Variants in PRELID2 observed in about 807,000 individuals in gnomAD.
PRELID2 encodes PRELI domain-containing protein 2.
In PRELID2, 25 loss-of-function variants were observed where a neutral mutation model predicts 28.4. The ratio of observed to expected loss-of-function variants is 0.88; its 90% confidence interval spans 0.64 to 1.23. The LOEUF (loss-of-function observed/expected upper bound fraction) is 1.23, where lower values mean the gene tolerates loss of function less well. PRELID2 is among the 50% of genes most tolerant of loss of function. PRELID2 has a pLI of 0.00. For missense variants in PRELID2, 201 were observed against 214.4 expected (o/e 0.94, Z 0.39); for synonymous variants, 76 against 71.6 (o/e 1.06, Z -0.31).
At chr5:145,591,459 AG>A (rs1753225683) in intron 1 of PRELID2, among the ~76,000 whole-genome samples, 1 of 152,192 alleles carries the variant, frequency 6.6e-6, no homozygotes, top group Admixed American at 6.5e-5. Context: ...ATAGTACAAA[AG>A]GAAGTGATAA....
At chr5:145,400,438 A>G in the PRELID2 span, among the ~76,000 whole-genome samples, 25 of 152,154 alleles carry the variant, frequency 1.6e-4, no homozygotes, top group African/African-American at 5.8e-4. Flanking sequence ...GCAGAAACAT[A>G]TATCTTGTGT....
chr5:145,602,548 C>G (rs1385276770), intron 1 of PRELID2, among the ~76,000 whole-genome samples: 2 of 151,818 alleles, frequency 1.3e-5, no homozygotes, highest in Non-Finnish European at 2.9e-5. Context: ...CAGATGCAGA[C>G]CAGCTATGTT....
the PRELID2 span, among the ~76,000 whole-genome samples, chr5:145,361,238 G>A: frequency 6.6e-6 from 1 of 152,154 alleles, no homozygotes; most frequent in Non-Finnish European, 1.5e-5. Context: ...TTTCTGAGAA[G>A]GAGGCATTAT....
At chr5:145,699,842 C>T (rs774224500) in intron 1 of PRELID2, among the ~76,000 whole-genome samples, 40 of 152,172 alleles carry the variant, frequency 2.6e-4, no homozygotes, top group Non-Finnish European at 5.1e-4. Context: ...CCTTTGTATT[C>T]TTGGGGATTC....
At chr5:145,479,248 C>G (rs1230083320) in intron 1 of PRELID2, among the ~76,000 whole-genome samples, 1 of 152,204 alleles carries the variant, frequency 6.6e-6, no homozygotes, top group Non-Finnish European at 1.5e-5. Flanking sequence ...CTGCTTCTGT[C>G]TCTTTGCTGA....
the PRELID2 span, among the ~76,000 whole-genome samples, chr5:145,246,375 C>G: frequency 6.6e-6 from 1 of 152,124 alleles, no homozygotes; most frequent in East Asian, 1.9e-4. Flanking sequence ...ATGGCCTTTG[C>G]TTCAAGGCTC....
the PRELID2 span, among the ~76,000 whole-genome samples, chr5:145,317,201 A>G: frequency 1.3e-5 from 2 of 152,224 alleles, no homozygotes; most frequent in Admixed American, 6.5e-5. Flanking sequence ...GGGTCCCACA[A>G]TGGTCCTTTG....
chr5:145,541,491 C>T (rs1752744707), intron 1 of PRELID2, among the ~76,000 whole-genome samples: 1 of 152,054 alleles, frequency 6.6e-6, no homozygotes, highest in East Asian at 1.9e-4. Flanking sequence ...ACAGTTCATA[C>T]ACTGAACCAT....
the PRELID2 span, among the ~76,000 whole-genome samples, chr5:145,400,268 T>A: frequency 1.3e-5 from 2 of 152,052 alleles, no homozygotes; most frequent in African/African-American, 4.8e-5. Context: ...CCTCTTAAAA[T>A]TTTTCTCCCA....
chr5:145,472,359 A>T (rs774891848), intron 2 of PRELID2, among the ~76,000 whole-genome samples: 3 of 152,160 alleles, frequency 2.0e-5, no homozygotes, highest in Non-Finnish European at 4.4e-5. Context: ...AAGAATGATA[A>T]GCACTATTAT....
intron 1 of PRELID2, among the ~76,000 whole-genome samples, chr5:145,581,772 C>T (rs1753109788): frequency 6.6e-6 from 1 of 152,030 alleles, no homozygotes; most frequent in African/African-American, 2.4e-5. Context: ...AACCTGAGTG[C>T]ATCACCTGTG....
At chr5:145,376,095 T>C in the PRELID2 span, among the ~76,000 whole-genome samples, 1 of 152,232 alleles carries the variant, frequency 6.6e-6, no homozygotes, top group African/African-American at 2.4e-5. Flanking sequence ...CTAGGAGTTT[T>C]TAACATGCAG....
intron 1 of PRELID2, among the ~76,000 whole-genome samples, chr5:145,673,448 C>G (rs1237016027): frequency 6.6e-6 from 1 of 151,676 alleles, no homozygotes; most frequent in Non-Finnish European, 1.5e-5. Flanking sequence ...GCATCCAGAT[C>G]TTCCTAAATG....
Position 145,547,680 on chromosome 5 carries a change from A to C in PRELID2, n.71-74365T>G, listed in dbSNP as rs1204811126. Reference sequence around the variant, plus strand: ...CAGAAGAAAATGAAACCATATAACAAGGTGGATATAATTATATGCTCAAGT... The same window carrying C: ...CAGAAGAAAATGAAACCATATAACACGGTGGATATAATTATATGCTCAAGT... On this transcript the variant is annotated intron_variant and non_coding_transcript_variant, in intron 1 of 2. Transcript: ENST00000510259. Among the ~76,000 whole-genome samples the C allele has an allele frequency of 2.0e-5, 3 of 152,198 alleles. No homozygotes were observed. The East Asian group carries it at 5.8e-4, about 29-fold the overall frequency.
the PRELID2 span, among the ~76,000 whole-genome samples, chr5:145,395,348 T>A: frequency 2.0e-5 from 3 of 152,216 alleles, no homozygotes; most frequent in African/African-American, 7.2e-5. Flanking sequence ...CTAAAAAGAC[T>A]GGGAACTGTC....
At chr5:145,267,533 CACA>C in the PRELID2 span, among the ~76,000 whole-genome samples, 1 of 151,968 alleles carries the variant, frequency 6.6e-6, no homozygotes, top group Non-Finnish European at 1.5e-5. Context: ...TGTGTATAAG[CACA>C]ACATTTTCTT....
At position 145,788,410 on chromosome 5, in the gene PRELID2, A is replaced by C. The variant is rs145333777; in HGVS notation, c.474+8032T>G. Among the ~76,000 whole-genome samples the C allele has an allele frequency of 6.4e-4, 98 of 152,326 alleles. 1 individual carries two copies. The East Asian group carries it at 0.017, about 26-fold the overall frequency. On this transcript the variant is annotated intron_variant, in intron 5 of 6. Transcript: ENST00000683046. ...TCAAAAGTGTCCACCAGCACATGAA[A>C]TCTAGGCTGAGAGAGACTATGGCAC...
intron 1 of PRELID2, among the ~76,000 whole-genome samples, chr5:145,716,120 G>A (rs1291621217): frequency 1.3e-5 from 2 of 152,046 alleles, no homozygotes; most frequent in Non-Finnish European, 2.9e-5. Flanking sequence ...CCAAGACAAC[G>A]ATTCTTCTTC....
Position 145,823,101 on chromosome 5 carries a change from C to A in PRELID2, c.109G>T (p.Val37Leu). 1 of 1,535,866 alleles carries A rather than the reference C, an allele frequency of 6.5e-7. No homozygotes were observed. The highest frequency in any genetic ancestry group is 9.0e-7 in the Non-Finnish European group (1 of 1,109,116). ...PNPMDKNVIS[V>L]KIMEEKRDES... ...CCTCTTTTTTCCTCCATGATTTTTA[C>A]TGAGATGACATTTTTATCCATGGGG... The change falls in exon 2 of 7, where the codon GTA becomes TTA. Residue 37 changes from valine (V) to leucine (L), a missense_variant. Val to Leu is a conservative substitution (Grantham distance 32). Transcript: ENST00000683046.
Sources: gnomAD v4.1 joint callset for allele counts (sites outside exome capture counted in the v4.1 genomes callset) on GRCh38, gnomAD v4.1.1 for gene constraint, MANE v1.5 for transcripts, NCBI Gene and HGNC (gene_info 2026-07-23, HGNC 2026-07-21) for gene names.